Variants in IMMP2L observed in about 807,000 individuals in gnomAD.
IMMP2L encodes inner mitochondrial membrane peptidase subunit 2.
IMMP2L carries 18 observed loss-of-function variants against 19.3 expected under a neutral mutation model. The ratio of observed to expected loss-of-function variants is 0.93; its 90% CI spans 0.64 to 1.38. The LOEUF (loss-of-function observed/expected upper bound fraction) is 1.38, where lower values mean the gene tolerates loss of function less well. Among genes scored for constraint, IMMP2L ranks in the 40% most tolerant of loss-of-function variants. The pLI is 0.00. For missense variants in IMMP2L, 233 were observed against 218.2 expected (o/e 1.07, Z -0.43); for synonymous variants, 76 against 73.0 (o/e 1.04, Z -0.21).
intron 5 of IMMP2L, among the ~76,000 whole-genome samples, chr7:110,852,418 G>A (rs1806330454): frequency 6.6e-6 from 1 of 152,026 alleles, no homozygotes; most frequent in Non-Finnish European, 1.5e-5. Context: ...CCAAGTCCTT[G>A]CAGGGCAACA....
At chr7:111,341,772 T>C (rs552298940) in intron 3 of IMMP2L, among the ~76,000 whole-genome samples, 2 of 152,170 alleles carry the variant, frequency 1.3e-5, no homozygotes, top group East Asian at 1.9e-4. Context: ...TTAATCCCAA[T>C]GCAACAGGGT....
At chr7:111,520,181 GTACCCC>G in intron 2 of IMMP2L, among the ~76,000 whole-genome samples, 1 of 152,068 alleles carries the variant, frequency 6.6e-6, no homozygotes, top group Non-Finnish European at 1.5e-5. Context: ...TATGTTTACT[GTACCCC>G]TACATTAAGA....
intron 5 of IMMP2L, among the ~76,000 whole-genome samples, chr7:110,779,871 G>A (rs910960198): frequency 6.6e-6 from 1 of 151,846 alleles, no homozygotes; most frequent in Admixed American, 6.6e-5. Context: ...AAAGTTCCTA[G>A]GGAACTGCCT....
intron 4 of IMMP2L, among the ~76,000 whole-genome samples, chr7:110,903,504 T>C (rs1248662660): frequency 6.6e-6 from 1 of 152,202 alleles, no homozygotes; most frequent in Non-Finnish European, 1.5e-5. Context: ...TGAAATCATG[T>C]AATATTGGTT....
At chr7:111,079,278 C>T (rs892810672) in intron 3 of IMMP2L, among the ~76,000 whole-genome samples, 15 of 61,970 alleles carry the variant, frequency 2.4e-4, no homozygotes, top group East Asian at 7.3e-4. Flanking sequence ...CCACTACGCC[C>T]GGCTAATTTT....
At chr7:111,084,697 C>G (rs1223882279) in intron 3 of IMMP2L, among the ~76,000 whole-genome samples, 1 of 152,080 alleles carries the variant, frequency 6.6e-6, no homozygotes, top group African/African-American at 2.4e-5. Context: ...ACTTAGGAGG[C>G]TTTGATGTGC....
intron 3 of IMMP2L, among the ~76,000 whole-genome samples, chr7:111,038,195 A>G (rs1015574667): frequency 1.8e-4 from 27 of 152,192 alleles, no homozygotes; most frequent in African/African-American, 6.5e-4. Context: ...AGAATTTAAA[A>G]GGCAAAGAAA....
intron 3 of IMMP2L, among the ~76,000 whole-genome samples, chr7:111,076,028 G>C (rs1042158470): frequency 6.6e-6 from 1 of 152,062 alleles, no homozygotes; most frequent in African/African-American, 2.4e-5. Flanking sequence ...TAGTCTAATA[G>C]TTTCATAGAT....
intron 5 of IMMP2L, among the ~76,000 whole-genome samples, chr7:110,878,473 A>G (rs377601212): frequency 6.6e-6 from 1 of 152,080 alleles, no homozygotes; most frequent in Non-Finnish European, 1.5e-5. Flanking sequence ...ATACATTTTG[A>G]TATTTTACAA....
At chr7:110,960,659 G>A (rs896055322) in intron 4 of IMMP2L, among the ~76,000 whole-genome samples, 3 of 151,330 alleles carry the variant, frequency 2.0e-5, no homozygotes, top group African/African-American at 7.3e-5. Context: ...AGGCTGGATA[G>A]GCTCTTGAAA....
intron 3 of IMMP2L, among the ~76,000 whole-genome samples, chr7:111,460,083 G>A (rs1233038650): frequency 1.3e-5 from 2 of 152,094 alleles, no homozygotes; most frequent in African/African-American, 4.8e-5. Context: ...TTGAAATTCA[G>A]CTGTGTGGGC....
At chr7:111,369,194 T>G (rs1042850603) in intron 3 of IMMP2L, among the ~76,000 whole-genome samples, 1 of 151,960 alleles carries the variant, frequency 6.6e-6, no homozygotes, top group Non-Finnish European at 1.5e-5. Flanking sequence ...TGACATTACA[T>G]ATCTTAGAAG....
chr7:111,024,002 T>G (rs1016921166), intron 3 of IMMP2L, among the ~76,000 whole-genome samples: 7 of 152,192 alleles, frequency 4.6e-5, no homozygotes, highest in Non-Finnish European at 7.3e-5. Context: ...CTATTATCAG[T>G]AATTTGTAGA....
At chr7:111,022,139 G>C (rs1462677378) in intron 3 of IMMP2L, among the ~76,000 whole-genome samples, 2 of 152,030 alleles carry the variant, frequency 1.3e-5, no homozygotes, top group East Asian at 3.9e-4. Context: ...ACCAAATCTG[G>C]CCCTGTTCTG....
chr7:111,492,084 T>C (rs551588567), intron 2 of IMMP2L, among the ~76,000 whole-genome samples: 1 of 152,256 alleles, frequency 6.6e-6, no homozygotes, highest in East Asian at 1.9e-4. Context: ...ATATGCATTA[T>C]AATCACTCCC....
intron 1 of IMMP2L, among the ~76,000 whole-genome samples, chr7:111,545,349 A>C (rs1848831381): frequency 6.6e-6 from 1 of 152,120 alleles, no homozygotes; most frequent in Non-Finnish European, 1.5e-5. Context: ...ATGTCAATTC[A>C]AACCATTTGC....
intron 3 of IMMP2L, among the ~76,000 whole-genome samples, chr7:111,016,497 T>C (rs1045954053): frequency 1.6e-5 from 2 of 125,690 alleles, no homozygotes; most frequent in African/African-American, 6.1e-5. Flanking sequence ...TTTTATAATA[T>C]ATATTTTATG....
chr7:111,039,762 G>A (rs1014723374), intron 3 of IMMP2L, among the ~76,000 whole-genome samples: 2 of 152,006 alleles, frequency 1.3e-5, no homozygotes, highest in Non-Finnish European at 2.9e-5. Context: ...TCCCTTAATC[G>A]TGTGCAAATT....
Position 111,277,621 on chromosome 7 carries a change from A to C in IMMP2L, c.239+209617T>G, listed in dbSNP as rs150449511. On this transcript the variant is annotated intron_variant, in intron 3 of 5. Coordinates refer to ENST00000405709, the MANE Select transcript of IMMP2L (RefSeq NM_032549.4). ...ACAGATGTTGGCAAAGATGCAGCAGAAAAGGGAACGCTTGTAGGAATTTCA... is the reference window on the plus strand; with the variant it reads ...ACAGATGTTGGCAAAGATGCAGCAGCAAAGGGAACGCTTGTAGGAATTTCA... Among the ~76,000 whole-genome samples the C allele has an allele frequency of 7.9e-5, 12 of 152,204 alleles. No individual in the cohort carries two copies. In the East Asian group the frequency reaches 2.1e-3, roughly 27 times the overall value.
Sources: allele counts gnomAD v4.1 joint callset (sites outside exome capture counted in the v4.1 genomes callset), GRCh38; gene constraint gnomAD v4.1.1; transcripts MANE v1.5; gene names NCBI Gene and HGNC (gene_info 2026-07-23, HGNC 2026-07-21).